DNAJC3: variants seen among roughly 807,000 people sequenced by gnomAD.
DNAJC3 encodes DnaJ heat shock protein family (Hsp40) member C3.
Under a neutral mutation model 68.6 loss-of-function variants are expected in DNAJC3, and 38 were observed. The observed-to-expected ratio is 0.55, with a 90% CI of 0.43 to 0.73. DNAJC3 has a LOEUF of 0.73. Ranked by LOEUF, DNAJC3 falls within the 30% of genes least tolerant of loss-of-function variation. The pLI is 0.00. For synonymous variants in DNAJC3, 203 were observed against 204.0 expected (o/e 1.00, Z 0.04); for missense variants, 526 against 591.9 (o/e 0.89, Z 1.16).
intron 2 of DNAJC3, among the ~76,000 whole-genome samples, chr13:95,717,800 C>T (rs1270148213): frequency 4.6e-5 from 7 of 152,192 alleles, no homozygotes; most frequent in Admixed American, 2.6e-4. Context: ...GCCTCCCCAG[C>T]CATGTGGAAC....
intron 7 of DNAJC3, 91 bp from the exon 8 acceptor site, chr13:95,763,552 T>A: frequency 8.1e-7 from 1 of 1,238,002 alleles, no homozygotes; most frequent in East Asian, 2.5e-5. Flanking sequence ...TTGGATTGAT[T>A]AAGCAACACA....
intron 2 of DNAJC3, among the ~76,000 whole-genome samples, chr13:95,712,462 C>T (rs1489654927): frequency 2.0e-5 from 3 of 151,748 alleles, no homozygotes; most frequent in East Asian, 1.9e-4. Context: ...CTGCAACCTC[C>T]GTCTCCCAGG....
At chr13:95,748,161 C>T (rs1005601355) in intron 4 of DNAJC3, among the ~76,000 whole-genome samples, 3 of 152,184 alleles carry the variant, frequency 2.0e-5, no homozygotes, top group South Asian at 2.1e-4. Context: ...AGGCAGTGTT[C>T]CATGAGATCC....
intron 1 of DNAJC3, chr13:95,694,963 ATAC>A (rs1014707616): frequency 6.6e-6 from 1 of 152,616 alleles, no homozygotes; most frequent in African/African-American, 2.4e-5. Context: ...TATAGGCTAC[ATAC>A]TCCCATGAGG....
intron 4 of DNAJC3, among the ~76,000 whole-genome samples, chr13:95,738,915 G>T (rs1310887216): frequency 1.3e-5 from 2 of 152,016 alleles, no homozygotes; most frequent in African/African-American, 4.8e-5. Flanking sequence ...TTTCTTCCTA[G>T]TCTCGATGGT....
intron 1 of DNAJC3, among the ~76,000 whole-genome samples, chr13:95,686,741 G>C (rs146345431): frequency 6.6e-6 from 1 of 152,144 alleles, no homozygotes; most frequent in African/African-American, 2.4e-5. Context: ...ATCTGTGTGC[G>C]TATTTTTGTA....
At chr13:95,780,801 C>T (rs1883428526) in intron 9 of DNAJC3, among the ~76,000 whole-genome samples, 1 of 152,186 alleles carries the variant, frequency 6.6e-6, no homozygotes. Flanking sequence ...GCTGGGAACA[C>T]CTGTTAGGAA....
chr13:95,705,018 A>C (rs1424944883), intron 1 of DNAJC3, among the ~76,000 whole-genome samples: 2 of 151,916 alleles, frequency 1.3e-5, no homozygotes, highest in African/African-American at 4.8e-5. Flanking sequence ...CATCCAGCTA[A>C]TCTCTGTATT....
chr13:95,767,241 A>G (rs1454982672), intron 9 of DNAJC3, among the ~76,000 whole-genome samples: 4 of 152,154 alleles, frequency 2.6e-5, no homozygotes, highest in South Asian at 2.1e-4. Context: ...GAATTTGACT[A>G]TGCTAGATCC....
At chr13:95,755,789 T>TA (rs1177469938) in intron 4 of DNAJC3, among the ~76,000 whole-genome samples, 32 of 89,778 alleles carry the variant, frequency 3.6e-4, no homozygotes, top group African/African-American at 1.1e-3. Context: ...AAAAAAAGAA[T>TA]AAAAAAAAAT....
chr13:95,691,822 G>T (rs891775024), intron 1 of DNAJC3, among the ~76,000 whole-genome samples: 3 of 152,238 alleles, frequency 2.0e-5, no homozygotes, highest in Non-Finnish European at 2.9e-5. Flanking sequence ...GGAGGCGGAG[G>T]CTGGCGGATC....
chr13:95,751,197 C>CG (rs1415591061), intron 4 of DNAJC3, among the ~76,000 whole-genome samples: 2 of 152,228 alleles, frequency 1.3e-5, no homozygotes. Context: ...GATCATGCTC[C>CG]TGCACTCCAG....
intron 1 of DNAJC3, among the ~76,000 whole-genome samples, chr13:95,682,483 TA>T (rs1014315393): frequency 2.0e-5 from 3 of 152,086 alleles, no homozygotes; most frequent in Non-Finnish European, 4.4e-5. Context: ...CCTTTAAGTT[TA>T]AAAAAATCCT....
intron 2 of DNAJC3, among the ~76,000 whole-genome samples, chr13:95,720,767 G>A (rs1020611833): frequency 1.9e-4 from 29 of 152,188 alleles, no homozygotes; most frequent in African/African-American, 7.0e-4. Flanking sequence ...TGTTAGTGAC[G>A]CTTAGCTGGG....
intron 2 of DNAJC3, among the ~76,000 whole-genome samples, chr13:95,715,487 T>C (rs946064298): frequency 6.6e-6 from 1 of 150,832 alleles, no homozygotes; most frequent in Non-Finnish European, 1.5e-5. Flanking sequence ...CTTTTTCTTT[T>C]TTTTTTTTTT....
intron 9 of DNAJC3, among the ~76,000 whole-genome samples, chr13:95,780,751 C>T (rs1883427177): frequency 6.6e-6 from 1 of 152,126 alleles, no homozygotes; most frequent in Non-Finnish European, 1.5e-5. Context: ...CAAAGGATTT[C>T]TTTGCATTGA....
In DNAJC3 at chr13:95,763,926, T is replaced by C. The variant is rs759209919; in HGVS notation, c.1048T>C (p.Tyr350His). The C allele has an allele frequency of 3.7e-6, 6 of 1,614,056 alleles. No homozygotes were observed. In the South Asian group the frequency reaches 6.6e-5, roughly 18 times the overall value. Residue 350 changes from tyrosine (Y) to histidine (H), a missense_variant, in exon 9 of 12, where the codon TAT becomes CAT. Physicochemically the swap from Tyr to His is moderately conservative, Grantham distance 83. Transcript: ENST00000602402. ...TGCCCTGAAAGATCGAGCAGAGGCC[T>C]ATTTGATAGAGGAAATGTATGATGA... ...VNALKDRAEA[Y>H]LIEEMYDEAI...
At chr13:95,686,790 A>G (rs990725811) in intron 1 of DNAJC3, among the ~76,000 whole-genome samples, 1 of 152,218 alleles carries the variant, frequency 6.6e-6, no homozygotes, top group Non-Finnish European at 1.5e-5. Flanking sequence ...GCCTTGTAGT[A>G]TAATTTGAAG....
chr13:95,784,622 A>G (rs578011004), intron 9 of DNAJC3, among the ~76,000 whole-genome samples: 1 of 152,236 alleles, frequency 6.6e-6, no homozygotes, highest in African/African-American at 2.4e-5. Context: ...CATAAACTGT[A>G]TTTTTCATAC....
Sources: allele counts gnomAD v4.1 joint callset (sites outside exome capture counted in the v4.1 genomes callset), GRCh38; gene constraint gnomAD v4.1.1; transcripts MANE v1.5; gene names NCBI Gene and HGNC (gene_info 2026-07-23, HGNC 2026-07-21).